The following SLC25A12 variants were observed in gnomAD, a reference collection of about 807,000 sequenced individuals.
The protein encoded by SLC25A12 is electrogenic aspartate/glutamate antiporter SLC25A12, mitochondrial.
In SLC25A12, 32 loss-of-function variants were observed where a neutral mutation model predicts 83.3. That is an observed-to-expected ratio of 0.38 (90% CI 0.29 to 0.52). The LOEUF (loss-of-function observed/expected upper bound fraction) is 0.52, where lower values mean the gene tolerates loss of function less well. Ranked by LOEUF, SLC25A12 falls within the 20% of genes least tolerant of loss-of-function variation. The pLI is 0.84. For missense variants in SLC25A12, 611 were observed against 835.6 expected (o/e 0.73, Z 3.31); for synonymous variants, 267 against 291.1 (o/e 0.92, Z 0.84).
chr2:171,786,783 C>T lies in SLC25A12; in HGVS notation c.1835+788G>A, dbSNP rs563561212. On this transcript the variant is annotated intron_variant, in intron 17 of 17. Transcript: ENST00000422440. ...TAGTGATTATATCCATGGGCAAAAT[C>T]TCTCTTCAAACCTATTGGTTTTTCC... is the stretch of plus-strand genomic sequence containing the variant. Among the ~76,000 whole-genome samples the T allele has an allele frequency of 7.9e-5, 12 of 152,316 alleles. No homozygotes were observed. In the South Asian group the frequency reaches 2.5e-3, roughly 32 times the overall value.
At chr2:171,868,861 T>TA in intron 2 of SLC25A12, 38 bp from the exon 3 acceptor site, 1 of 1,526,138 alleles carries the variant, frequency 6.6e-7, no homozygotes, top group South Asian at 1.1e-5. Flanking sequence ...TGAAAAATTA[T>TA]CCAATATCAT....
chr2:171,855,642 C>G (rs904656562), intron 4 of SLC25A12, among the ~76,000 whole-genome samples, 192 bp downstream of exon 4: 2 of 152,182 alleles, frequency 1.3e-5, no homozygotes, highest in African/African-American at 4.8e-5. Context: ...CATTACTACA[C>G]TTCTTCATCT....
At chr2:171,887,483 G>C (rs1457678376) in intron 2 of SLC25A12, among the ~76,000 whole-genome samples, 2 of 152,142 alleles carry the variant, frequency 1.3e-5, no homozygotes, top group African/African-American at 2.4e-5. Flanking sequence ...AAGAGAGAGA[G>C]ATTAAAAAAT....
intron 2 of SLC25A12, among the ~76,000 whole-genome samples, chr2:171,879,512 C>A (rs576141547): frequency 6.6e-6 from 1 of 152,102 alleles, no homozygotes; most frequent in African/African-American, 2.4e-5. Flanking sequence ...TAAAGAAGAT[C>A]TACCAAAACA....
Position 171,819,383 on chromosome 2 carries a change from T to A in SLC25A12, c.931-4181A>T, listed in dbSNP as rs1353132292. 4.3e-4 allele frequency among the ~76,000 whole-genome samples: 18 copies of A among 42,274 alleles called. No individual in the cohort carries two copies. The East Asian group carries it at 0.02, about 48-fold the overall frequency. The allele number at this position is 42,274 out of a possible 152,430, so 27.7% of individuals were successfully genotyped here. Reference sequence around the variant, plus strand: ...TATATTATATATAATATATTATATATAATATATATTATATAATTATATAAG... The same window carrying A: ...TATATTATATATAATATATTATATAAAATATATATTATATAATTATATAAG... On this transcript the variant is annotated intron_variant, in intron 9 of 17. Transcript: ENST00000422440.
At position 171,845,822 on chromosome 2, in the gene SLC25A12, C is replaced by A. The variant is rs1245112318; in HGVS notation, c.326-1314G>T. On this transcript the variant is annotated intron_variant, in intron 4 of 17. Coordinates refer to ENST00000422440, the MANE Select transcript of SLC25A12 (RefSeq NM_003705.5). The stretch of plus-strand genomic sequence containing the variant: ...GTCACTGGGGAGATGGGATTCTCAT[C>A]TTTTCTTTGAAATGGAATGCAGGAT... 9 of 455,246 alleles carry A rather than the reference C, an allele frequency of 2.0e-5. No homozygotes were observed. In the Admixed American group the frequency reaches 2.1e-4, roughly 11 times the overall value. 28.2% of individuals were successfully genotyped at this position (455,246 alleles called of 1,614,324 possible).
chr2:171,866,396 C>T (rs1685304057), intron 3 of SLC25A12, among the ~76,000 whole-genome samples: 1 of 146,478 alleles, frequency 6.8e-6, no homozygotes, highest in Non-Finnish European at 1.5e-5. Flanking sequence ...TCCTCACTTC[C>T]CAGTAGGGGC....
At chr2:171,847,480 A>G (rs1317826722) in intron 4 of SLC25A12, among the ~76,000 whole-genome samples, 1 of 152,246 alleles carries the variant, frequency 6.6e-6, no homozygotes, top group Non-Finnish European at 1.5e-5. Context: ...ATGAAAGGGA[A>G]CACCAATAGT....
At chr2:171,841,676 A>G (rs1684675749) in intron 5 of SLC25A12, among the ~76,000 whole-genome samples, 1 of 152,208 alleles carries the variant, frequency 6.6e-6, no homozygotes, top group Admixed American at 6.5e-5. Context: ...CTCAGCCGGA[A>G]CAAGAGGTTT....
chr2:171,800,822 G>A (rs938190830), intron 13 of SLC25A12, among the ~76,000 whole-genome samples: 9 of 152,154 alleles, frequency 5.9e-5, no homozygotes, highest in Non-Finnish European at 1.0e-4. Flanking sequence ...ATGACTCTCT[G>A]AAAACATGTT....
intron 4 of SLC25A12, among the ~76,000 whole-genome samples, chr2:171,845,075 T>C (rs1182276047): frequency 1.3e-5 from 2 of 152,144 alleles, no homozygotes; most frequent in African/African-American, 4.8e-5. Context: ...AAAAATATGG[T>C]CTTGACACAA....
At chr2:171,892,021 G>C (rs1029534939) in intron 2 of SLC25A12, among the ~76,000 whole-genome samples, 1 of 152,136 alleles carries the variant, frequency 6.6e-6, no homozygotes, top group Non-Finnish European at 1.5e-5. Context: ...GTTAGAATCT[G>C]TTCCTAAAAT....
chr2:171,825,538 C>T (rs1048681415), intron 9 of SLC25A12, among the ~76,000 whole-genome samples: 1 of 152,144 alleles, frequency 6.6e-6, no homozygotes, highest in Non-Finnish European at 1.5e-5. Flanking sequence ...GCAGACATAG[C>T]CTCTTTCTAT....
At chr2:171,810,723 A>T (rs976957878) in intron 11 of SLC25A12, among the ~76,000 whole-genome samples, 1 of 84,044 alleles carries the variant, frequency 1.2e-5, no homozygotes. Flanking sequence ...CTACCTACAT[A>T]ATGGCATACA....
chr2:171,844,549 T>A, intron 4 of SLC25A12, 41 bp from the exon 5 acceptor site: 3 of 1,389,622 alleles, frequency 2.2e-6, no homozygotes, highest in Non-Finnish European at 3.1e-6. Context: ...ATATCTGGAA[T>A]AAGTAGTTTA....
chr2:171,890,017 A>G (rs1685898516), intron 2 of SLC25A12, among the ~76,000 whole-genome samples: 1 of 152,218 alleles, frequency 6.6e-6, no homozygotes, highest in Non-Finnish European at 1.5e-5. Context: ...TTGCTCTACC[A>G]CAGGCTATGC....
intron 9 of SLC25A12, among the ~76,000 whole-genome samples, chr2:171,819,722 CA>C (rs1684144347): frequency 6.6e-6 from 1 of 151,186 alleles, no homozygotes. Flanking sequence ...TAAAATGTTC[CA>C]AAAAAAGGAA....
At position 171,844,579 on chromosome 2, in the gene SLC25A12, C is replaced by A. The variant is rs571315893; in HGVS notation, c.326-71G>T. The stretch of plus-strand genomic sequence containing the variant: ...AGTTTAAACCACTGCAATGTTCCTA[C>A]AGAAAAAAATTAAGAGAAGTTTTAA... On this transcript the variant is annotated intron_variant, in intron 4 of 17. Transcript: ENST00000422440. 4 of 1,104,276 alleles carry A rather than the reference C, an allele frequency of 3.6e-6. No homozygotes were observed. The South Asian group carries it at 5.4e-5, about 15-fold the overall frequency. The allele number at this position is 1,104,276 out of a possible 1,614,324, so 68.4% of individuals were successfully genotyped here. A position where few individuals can be genotyped will look rare whatever the true frequency, so the allele number is the denominator to read the frequency against.
chr2:171,848,026 T>C (rs551727204), intron 4 of SLC25A12: 10 of 362,142 alleles, frequency 2.8e-5, no homozygotes, highest in African/African-American at 1.5e-4. Context: ...TTAAATCATA[T>C]ATATTATGTA....
Sources: allele counts gnomAD v4.1 joint callset (sites outside exome capture counted in the v4.1 genomes callset), GRCh38; gene constraint gnomAD v4.1.1; transcripts MANE v1.5; gene names NCBI Gene and HGNC (gene_info 2026-07-23, HGNC 2026-07-21).